Variants in DOCK3 observed in about 807,000 individuals in gnomAD.
The protein encoded by DOCK3 is dedicator of cytokinesis protein 3.
DOCK3 carries 60 observed loss-of-function variants against 265.6 expected under a neutral mutation model. The observed-to-expected ratio is 0.23, with a 90% CI of 0.18 to 0.28. The LOEUF (loss-of-function observed/expected upper bound fraction) is 0.28. Among genes scored for constraint, DOCK3 ranks in the 10% least tolerant of loss-of-function variants. DOCK3 has a pLI of 1.00. For missense variants in DOCK3, 1,981 were observed against 2,594.3 expected (o/e 0.76, Z 5.14); for synonymous variants, 881 against 938.0 (o/e 0.94, Z 1.11).
At chr3:50,777,023 C>A (rs1339585514) in intron 1 of DOCK3, among the ~76,000 whole-genome samples, 1 of 152,146 alleles carries the variant, frequency 6.6e-6, no homozygotes, top group Non-Finnish European at 1.5e-5. Context: ...AAACAGGTTT[C>A]CCCTTATCAA....
intron 27 of DOCK3, among the ~76,000 whole-genome samples, chr3:51,289,770 C>T (rs943548744): frequency 2.0e-5 from 3 of 151,786 alleles, no homozygotes; most frequent in Non-Finnish European, 4.4e-5. Flanking sequence ...AATGGGAGAA[C>T]ATTTTTGCAA....
chr3:50,881,355 A>C (rs2048011802), intron 3 of DOCK3: 2 of 152,202 alleles, frequency 1.3e-5, no homozygotes, highest in African/African-American at 4.8e-5. Flanking sequence ...TTTGCAGATG[A>C]CATGATTGTA....
chr3:51,336,782 T>G, intron 35 of DOCK3: 13 of 435,536 alleles, frequency 3.0e-5, no homozygotes, highest in South Asian at 2.2e-4. Flanking sequence ...CCTTTCTGTT[T>G]AAGGGACTTA....
intron 38 of DOCK3, among the ~76,000 whole-genome samples, chr3:51,343,311 A>G (rs1208740757): frequency 6.6e-6 from 1 of 152,180 alleles, no homozygotes; most frequent in Admixed American, 6.5e-5. Flanking sequence ...TACCCCCAAG[A>G]GCTGCCCCAT....
At chr3:50,875,589 G>GT (rs2047664974) in intron 3 of DOCK3, among the ~76,000 whole-genome samples, 1 of 152,120 alleles carries the variant, frequency 6.6e-6, no homozygotes, top group Non-Finnish European at 1.5e-5. Context: ...TTTTGTTGAT[G>GT]TGATATATCA....
chr3:51,209,599 A>C (rs1414000919), intron 13 of DOCK3, among the ~76,000 whole-genome samples: 2 of 152,240 alleles, frequency 1.3e-5, no homozygotes, highest in Non-Finnish European at 2.9e-5. Flanking sequence ...AAATCATTTT[A>C]TAACCTCTTT....
At chr3:50,818,952 T>G (rs146805853) in intron 2 of DOCK3, among the ~76,000 whole-genome samples, 1 of 152,332 alleles carries the variant, frequency 6.6e-6, no homozygotes, top group East Asian at 1.9e-4. Flanking sequence ...CTTCTTAATA[T>G]GCACTTCCTG....
intron 27 of DOCK3, among the ~76,000 whole-genome samples, chr3:51,307,562 A>G (rs1021040830): frequency 6.6e-6 from 1 of 151,872 alleles, no homozygotes; most frequent in African/African-American, 2.4e-5. Flanking sequence ...TGTTTTTTTT[A>G]TGTGTATGTG....
intron 27 of DOCK3, among the ~76,000 whole-genome samples, chr3:51,306,034 T>A (rs4974107): frequency 0.59 from 87,058 of 146,922 alleles, 26,231 homozygotes; most frequent in Middle Eastern, 0.66. Context: ...TTTTTTTTTT[T>A]AAATTTATTG....
chr3:51,125,347 A>C (rs775684842), intron 9 of DOCK3, among the ~76,000 whole-genome samples: 6 of 152,192 alleles, frequency 3.9e-5, no homozygotes, highest in Non-Finnish European at 8.8e-5. Context: ...ATATCTAGTA[A>C]AGTATCTGAC....
intron 5 of DOCK3, among the ~76,000 whole-genome samples, chr3:51,035,187 A>G (rs1425962063): frequency 6.6e-6 from 1 of 151,976 alleles, no homozygotes; most frequent in African/African-American, 2.4e-5. Flanking sequence ...TTTCTGCCTC[A>G]TTCTCTCTTT....
At chr3:51,049,885 A>G (rs1246234380) in intron 5 of DOCK3, among the ~76,000 whole-genome samples, 1 of 152,070 alleles carries the variant, frequency 6.6e-6, no homozygotes, top group Non-Finnish European at 1.5e-5. Context: ...CAGGGTAGAA[A>G]ATCAACACAC....
At chr3:51,295,183 T>G (rs2082011763) in intron 27 of DOCK3, among the ~76,000 whole-genome samples, 1 of 152,246 alleles carries the variant, frequency 6.6e-6, no homozygotes, top group Non-Finnish European at 1.5e-5. Context: ...AGGGTTTATT[T>G]GGCTTACAAT....
At chr3:51,245,236 C>A (rs1369401612) in intron 21 of DOCK3, among the ~76,000 whole-genome samples, 2 of 152,124 alleles carry the variant, frequency 1.3e-5, no homozygotes, top group East Asian at 3.9e-4. Flanking sequence ...GCTTGGGAGG[C>A]TGAGACACAA....
intron 5 of DOCK3, among the ~76,000 whole-genome samples, chr3:51,028,322 A>G (rs2079903947): frequency 6.6e-6 from 1 of 151,872 alleles, no homozygotes; most frequent in Non-Finnish European, 1.5e-5. Context: ...CCTTTTATAG[A>G]TAATTTAGCC....
chr3:51,041,206 T>A (rs9854109), intron 5 of DOCK3, among the ~76,000 whole-genome samples: 158 of 33,914 alleles, frequency 4.7e-3, no homozygotes, highest in East Asian at 0.017. Flanking sequence ...ATATATATAT[T>A]TTTTTTTTTT....
chr3:51,339,078 G>T (rs1253455242), intron 37 of DOCK3, 50 bp downstream of exon 37: 2 of 1,458,378 alleles, frequency 1.4e-6, no homozygotes, highest in African/African-American at 2.8e-5. Context: ...ACAAACTGAA[G>T]GGATTTGTAC....
intron 1 of DOCK3, among the ~76,000 whole-genome samples, chr3:50,717,852 T>TG (rs1393906037): frequency 6.6e-6 from 1 of 152,192 alleles, no homozygotes; most frequent in African/African-American, 2.4e-5. Context: ...CTCGAACTCC[T>TG]GGCTTCAAGT....
chr3:50,712,289 T>C (rs112900696), intron 1 of DOCK3, among the ~76,000 whole-genome samples: 8 of 152,210 alleles, frequency 5.3e-5, no homozygotes, highest in Non-Finnish European at 1.2e-4. Context: ...GAGATATTTA[T>C]AGCAATAAAT....
Sources: gnomAD v4.1 joint callset for allele counts (sites outside exome capture counted in the v4.1 genomes callset) on GRCh38, gnomAD v4.1.1 for gene constraint, MANE v1.5 for transcripts, NCBI Gene and HGNC (gene_info 2026-07-23, HGNC 2026-07-21) for gene names.